The following PCDHGC5 variants were observed in gnomAD, a reference collection of about 807,000 sequenced individuals.
The protein encoded by PCDHGC5 is protocadherin gamma subfamily C, 5.
PCDHGC5 carries 25 observed loss-of-function variants against 59.0 expected under a neutral mutation model. The ratio of observed to expected loss-of-function variants is 0.42; its 90% confidence interval spans 0.31 to 0.59. The LOEUF (loss-of-function observed/expected upper bound fraction) is 0.59, where lower values mean the gene tolerates loss of function less well. PCDHGC5 is among the 20% of genes least tolerant of loss of function. PCDHGC5 has a pLI of 0.13. For synonymous variants in PCDHGC5, 434 were observed against 505.5 expected (o/e 0.86, Z 1.90); for missense variants, 1,067 against 1,206.4 (o/e 0.88, Z 1.71).
rs1375469711 is a variant in PCDHGC5, at chr5:141,512,102, C to A, written c.*929C>A. On this transcript the variant is annotated 3_prime_UTR_variant, in exon 4 of 4. Coordinates refer to ENST00000252087, the MANE Select transcript of PCDHGC5 (RefSeq NM_018929.3). ...GCCATAAACCAATAACTAGGCTGGA[C>A]CCTTCCCACTACATAATAGGGCTCA... The A allele has an allele frequency of 6.5e-6, 1 of 152,688 alleles. No individual in the cohort carries two copies. Among genetic ancestry groups the A allele is most frequent in the Non-Finnish European group, 1.5e-5 (1 of 68,070 alleles). The allele number at this position is 152,688 out of a possible 1,614,324, so 9.5% of individuals were successfully genotyped here. A position where few individuals can be genotyped will look rare whatever the true frequency, so the allele number is the denominator to read the frequency against.
rs532675537 is a variant in PCDHGC5, at chr5:141,508,584, T to C, written c.2609-2363T>C. Among the ~76,000 whole-genome samples, 87 of 152,266 alleles carry C rather than the reference T, an allele frequency of 5.7e-4. 1 individual carries two copies. Among genetic ancestry groups the C allele is most frequent in the African/African-American group, 1.6e-3 (66 of 41,552 alleles). On this transcript the variant is annotated intron_variant, in intron 3 of 3. Coordinates refer to ENST00000252087, the MANE Select transcript of PCDHGC5 (RefSeq NM_018929.3). The stretch of plus-strand genomic sequence containing the variant: ...TGTCACTTGCACCCACTCGGGGTGC[T>C]ACTCAGAGATCTTGGGTGCACATAG...
rs2099811015 is a variant in PCDHGC5 at position 141,501,774 on chromosome 5, G to GTC, written c.2520-3612_2520-3611dup. ...CTCTCAGTAAATGGTTAAAAAAGAG[G>GTC]TCTCTCTCCCTCTGCTCATCTCTTA... is the stretch of plus-strand genomic sequence containing the variant. On this transcript the variant is annotated intron_variant, in intron 2 of 3. Coordinates refer to ENST00000252087, the MANE Select transcript of PCDHGC5 (RefSeq NM_018929.3). Among the ~76,000 whole-genome samples, 3 of 152,062 alleles carry GTC rather than the reference G, an allele frequency of 2.0e-5. No homozygotes were observed. In the South Asian group the frequency reaches 6.2e-4, roughly 32 times the overall value.
chr5:141,503,307 G>T (rs1042228003), intron 2 of PCDHGC5, among the ~76,000 whole-genome samples: 5 of 152,096 alleles, frequency 3.3e-5, no homozygotes, highest in African/African-American at 1.2e-4. Context: ...GCTCAAGAAA[G>T]AATTGTTGGA....
In PCDHGC5 at chr5:141,491,961, G is replaced by A. The variant is rs891299192; in HGVS notation, c.2460+261G>A. 3 of 970,010 alleles carry A rather than the reference G, an allele frequency of 3.1e-6. No individual in the cohort carries two copies. The highest frequency in any genetic ancestry group is 4.3e-6 in the Non-Finnish European group (3 of 693,098). 60.1% of individuals were successfully genotyped at this position (970,010 alleles called of 1,614,324 possible). On this transcript the variant is annotated intron_variant, in intron 1 of 3. Transcript: ENST00000252087. This position sits in a 1 kb window ranked among gnomAD's most constrained non-coding sequence, Gnocchi z 6.9. ...GACCCCCACCCCTACACTCAAAAAAGGCCGGGGCCTCCTTCGAGCTTCCGG... is the reference window on the plus strand; with the variant it reads ...GACCCCCACCCCTACACTCAAAAAAAGCCGGGGCCTCCTTCGAGCTTCCGG...
intron 2 of PCDHGC5, 179 bp downstream of exon 2, chr5:141,495,044 T>C (rs2099758475): frequency 1.1e-6 from 1 of 944,572 alleles, no homozygotes; most frequent in Non-Finnish European, 1.3e-6. Flanking sequence ...AAGAGGCGAC[T>C]GCCCTGACTG....
At position 141,491,070 on chromosome 5, in the gene PCDHGC5, G is replaced by T. The variant is rs1405880268; in HGVS notation, c.1830G>T (p.Leu610Phe). Residue 610 changes from leucine to phenylalanine, a missense_variant, in exon 1 of 4, where the codon TTG (leucine) becomes TTT (phenylalanine). Transcript: ENST00000252087. The surrounding 1 kb of genome is among the most constrained non-coding windows in gnomAD (Gnocchi z 6.9). ...ATGCGTGGCTCTCCTACTCACTGTTGCCACAGTCCACAGCCCCAGGACTGT... is the reference window on the plus strand; with the variant it reads ...ATGCGTGGCTCTCCTACTCACTGTTTCCACAGTCCACAGCCCCAGGACTGT... ...GHNAWLSYSL[L>F]PQSTAPGLFL... 6.2e-7 allele frequency: 1 copy of T among 1,614,162 alleles called. No homozygotes were observed. Among genetic ancestry groups the T allele is most frequent in the Non-Finnish European group, 8.5e-7 (1 of 1,180,038 alleles).
rs756466649 is a variant in PCDHGC5, at chr5:141,495,663, G to A, written c.2519+798G>A. 1.1e-3 allele frequency among the ~76,000 whole-genome samples: 169 copies of A among 152,164 alleles called. 3 individuals are homozygous for A. The highest frequency in any genetic ancestry group is 1.9e-3 in the Admixed American group (29 of 15,272). ...TTGTCTACTTGCATTGATCTGTGCCGCCCACTGTGCCTGCCATGGCATAAG... is the reference window on the plus strand; with the variant it reads ...TTGTCTACTTGCATTGATCTGTGCCACCCACTGTGCCTGCCATGGCATAAG... On this transcript the variant is annotated intron_variant, in intron 2 of 3. Coordinates refer to ENST00000252087, the MANE Select transcript of PCDHGC5 (RefSeq NM_018929.3).
rs1054594374 is a variant in PCDHGC5 at position 141,489,607 on chromosome 5, A to G, written c.367A>G (p.Ile123Val). The change falls in exon 1 of 4, where the codon ATC (isoleucine) becomes GTC (valine). Residue 123 changes from isoleucine to valine, a missense_variant. Ile to Val is a conservative substitution (Grantham distance 29). Coordinates refer to ENST00000252087, the MANE Select transcript of PCDHGC5 (RefSeq NM_018929.3). This position sits in a 1 kb window ranked among gnomAD's most constrained non-coding sequence, Gnocchi z 4.5. ...GGAGCTAATCCGTGTAGAGGTAGAG[A>G]TCCTGGATCTCAATGACAACTCTCC... ...PLELIRVEVE[I>V]LDLNDNSPSF... The G allele has an allele frequency of 6.2e-6, 10 of 1,613,850 alleles. No homozygotes were observed. The highest frequency in any genetic ancestry group is 8.5e-6 in the Non-Finnish European group (10 of 1,179,956).
Position 141,491,436 on chromosome 5 carries a change from G to A in PCDHGC5, c.2196G>A (p.Arg732=), listed in dbSNP as rs771884610. ...ACGGGGGTGGAGGGCAGTGCTGCAG[G>A]CGCCAGGACTCACCCTCCCCGGACT... ...DGDGGGGQCC[R]RQDSPSPDFY... Residue 732 remains arginine, a synonymous_variant, in exon 1 of 4, where the codon AGG becomes AGA. Coordinates refer to ENST00000252087, the MANE Select transcript of PCDHGC5 (RefSeq NM_018929.3). This position sits in a 1 kb window ranked among gnomAD's most constrained non-coding sequence, Gnocchi z 6.9. 1 of 1,614,070 alleles carries A rather than the reference G, an allele frequency of 6.2e-7. No individual in the cohort carries two copies. The highest frequency in any genetic ancestry group is 8.5e-7 in the Non-Finnish European group (1 of 1,180,034).
intron 3 of PCDHGC5, among the ~76,000 whole-genome samples, chr5:141,505,956 T>C (rs1177913983): frequency 6.6e-6 from 1 of 152,102 alleles, no homozygotes; most frequent in Non-Finnish European, 1.5e-5. Flanking sequence ...TGAAAGTGGG[T>C]GTAGAAATCC....
chr5:141,511,135 G>A lies in PCDHGC5; in HGVS notation c.2797G>A (p.Gly933Ser), dbSNP rs200541479. Residue 933 changes from glycine to serine, a missense_variant, in exon 4 of 4, where the codon GGC becomes AGC. Physicochemically the swap from Gly to Ser is moderately conservative, Grantham distance 56. Coordinates refer to ENST00000252087, the MANE Select transcript of PCDHGC5 (RefSeq NM_018929.3). The stretch of plus-strand genomic sequence containing the variant: ...TGGCAAGGCCCCAGCAGGTGGCAAT[G>A]GCAACAAGAAGAAGTCGGGCAAGAA... ...RDGKAPAGGN[G>S]NKKKSGKKEK... 2.8e-4 allele frequency: 448 copies of A among 1,614,188 alleles called. No homozygotes were observed. Among genetic ancestry groups the A allele is most frequent in the Non-Finnish European group, 3.0e-4 (352 of 1,180,016 alleles).
At chr5:141,504,302 C>T (rs969760258) in intron 2 of PCDHGC5, among the ~76,000 whole-genome samples, 9 of 152,004 alleles carry the variant, frequency 5.9e-5, no homozygotes, top group African/African-American at 1.5e-4. Context: ...TTTCAACACT[C>T]GGAGTTTCTA....
rs755163825 is a variant in PCDHGC5, at chr5:141,491,048, C to A, written c.1808C>A (p.Ala603Glu). 6.2e-6 allele frequency: 10 copies of A among 1,613,948 alleles called. No individual in the cohort carries two copies. Among genetic ancestry groups the A allele is most frequent in the Non-Finnish European group, 7.6e-6 (9 of 1,179,960 alleles). ...GTGGATGCTGATGCAGGCCACAATG[C>A]GTGGCTCTCCTACTCACTGTTGCCA... ...TAVDADAGHN[A>E]WLSYSLLPQS... The change falls in exon 1 of 4, where the codon GCG becomes GAG. Residue 603 changes from alanine (A) to glutamate (E), a missense_variant. Coordinates refer to ENST00000252087, the MANE Select transcript of PCDHGC5 (RefSeq NM_018929.3). The surrounding 1 kb of genome is among the most constrained non-coding windows in gnomAD (Gnocchi z 6.9).
intron 2 of PCDHGC5, among the ~76,000 whole-genome samples, chr5:141,497,642 C>T (rs1426920174): frequency 1.3e-5 from 2 of 151,352 alleles, no homozygotes; most frequent in Middle Eastern, 3.4e-3. Context: ...CAGGTTCAAG[C>T]GATTCTCCTG....
Position 141,490,909 on chromosome 5 carries a change from G to C in PCDHGC5, c.1669G>C (p.Glu557Gln). ...ATCTCTGCATGTGTTTGTCCTAGAC[G>C]AGAATGATAATGCCCCAGCTGTGCT... ...NTSLHVFVLD[E>Q]NDNAPAVLHP... Residue 557 changes from glutamate to glutamine, a missense_variant, in exon 1 of 4, where the codon GAG becomes CAG. Coordinates refer to ENST00000252087, the MANE Select transcript of PCDHGC5 (RefSeq NM_018929.3). This position sits in a 1 kb window ranked among gnomAD's most constrained non-coding sequence, Gnocchi z 5.4. 1 of 1,613,744 alleles carries C rather than the reference G, an allele frequency of 6.2e-7. No individual in the cohort carries two copies. The highest frequency in any genetic ancestry group is 2.2e-5 in the East Asian group (1 of 44,870).
intron 2 of PCDHGC5, among the ~76,000 whole-genome samples, chr5:141,499,575 T>TCCCTA (rs2099792820): frequency 1.3e-5 from 2 of 152,202 alleles, no homozygotes; most frequent in Non-Finnish European, 2.9e-5. Context: ...CTTCAACTAA[T>TCCCTA]GCCTTATCTT....
intron 2 of PCDHGC5, among the ~76,000 whole-genome samples, chr5:141,495,826 A>G (rs1190417828): frequency 6.6e-6 from 1 of 150,888 alleles, no homozygotes; most frequent in African/African-American, 2.4e-5. Flanking sequence ...GTGTTCTTCT[A>G]TCCCCAGCCT....
At position 141,491,456 on chromosome 5, in the gene PCDHGC5, C is replaced by G; in HGVS notation, c.2216C>G (p.Pro739Arg). Residue 739 changes from proline to arginine, a missense_variant, in exon 1 of 4, where the codon CCG becomes CGG. Transcript: ENST00000252087. The surrounding 1 kb of genome is among the most constrained non-coding windows in gnomAD (Gnocchi z 6.9). Reference sequence around the variant, plus strand: ...TGCAGGCGCCAGGACTCACCCTCCCCGGACTTCTATAAGCAGTCCAGCCCC... The same window carrying G: ...TGCAGGCGCCAGGACTCACCCTCCCGGGACTTCTATAAGCAGTCCAGCCCC... ...QCCRRQDSPS[P>R]DFYKQSSPNL... 1 of 1,614,104 alleles carries G rather than the reference C, an allele frequency of 6.2e-7. No homozygotes were observed. The highest frequency in any genetic ancestry group is 8.5e-7 in the Non-Finnish European group (1 of 1,180,010).
intron 2 of PCDHGC5, among the ~76,000 whole-genome samples, chr5:141,500,928 G>A (rs2099803943): frequency 6.6e-6 from 1 of 151,476 alleles, no homozygotes; most frequent in African/African-American, 2.4e-5. Context: ...GGGTGCAGTG[G>A]CGCCATCTCG....
Sources: allele counts gnomAD v4.1 joint callset (sites outside exome capture counted in the v4.1 genomes callset), GRCh38; gene constraint gnomAD v4.1.1; non-coding constraint Gnocchi (gnomAD v3.1); transcripts MANE v1.5; gene names NCBI Gene and HGNC (gene_info 2026-07-23, HGNC 2026-07-21).